The following CEP126 variants were observed in gnomAD, a reference collection of about 807,000 sequenced individuals.
The protein encoded by CEP126 is centrosomal protein 126.
CEP126 carries 74 observed loss-of-function variants against 107.8 expected under a neutral mutation model. The ratio of observed to expected loss-of-function variants is 0.69; its 90% confidence interval spans 0.57 to 0.83. The LOEUF (loss-of-function observed/expected upper bound fraction) is 0.83. Ranked by LOEUF, CEP126 falls within the 40% of genes least tolerant of loss-of-function variation. CEP126 has a pLI of 0.00. For synonymous variants in CEP126, 449 were observed against 446.0 expected (o/e 1.01, Z -0.08); for missense variants, 1,237 against 1,281.9 (o/e 0.96, Z 0.53).
rs1044643511 is a variant in CEP126 at position 101,999,554 on chromosome 11, AGAACTT to A, written c.*1913_*1918del. On this transcript the variant is annotated 3_prime_UTR_variant, in exon 11 of 11. Transcript: ENST00000263468. The stretch of plus-strand genomic sequence containing the variant: ...AACAAGATAAGATTTGCATTTTACT[AGAACTT>A]GCACATTATGATATTGTCCTTTTAT... The A allele has an allele frequency of 2.0e-5, 3 of 151,080 alleles. No individual in the cohort carries two copies. The highest frequency in any genetic ancestry group is 2.0e-4 in the Admixed American group (3 of 15,172). The allele number at this position is 151,080 out of a possible 1,614,324, so 9.4% of individuals were successfully genotyped here.
intron 2 of CEP126, among the ~76,000 whole-genome samples, chr11:101,935,733 C>T (rs886560848): frequency 6.6e-6 from 1 of 152,014 alleles, no homozygotes; most frequent in African/African-American, 2.4e-5. Flanking sequence ...CAGGAATTCT[C>T]AACAGCAGTA....
chr11:101,921,505 G>A (rs1236315937), intron 1 of CEP126, among the ~76,000 whole-genome samples: 1 of 151,828 alleles, frequency 6.6e-6, no homozygotes, highest in Non-Finnish European at 1.5e-5. Context: ...TTAGGAGTTC[G>A]AGACCAGGCT....
chr11:101,943,222 C>G (rs900175807), intron 2 of CEP126, among the ~76,000 whole-genome samples: 8 of 152,000 alleles, frequency 5.3e-5, no homozygotes, highest in African/African-American at 1.7e-4. Context: ...TCTTCTCCCC[C>G]ACCTCTGGTG....
chr11:101,921,239 T>A (rs576617600), intron 1 of CEP126, among the ~76,000 whole-genome samples: 1 of 152,348 alleles, frequency 6.6e-6, no homozygotes, highest in Non-Finnish European at 1.5e-5. Flanking sequence ...CTAACCATTC[T>A]AGTTATATTG....
chr11:101,949,382 G>A, intron 4 of CEP126, among the ~76,000 whole-genome samples: 1 of 152,172 alleles, frequency 6.6e-6, no homozygotes, highest in Non-Finnish European at 1.5e-5. Context: ...ATAATGGATT[G>A]AAACCTGGGG....
chr11:101,919,910 C>T (rs967306772), intron 1 of CEP126, among the ~76,000 whole-genome samples: 5 of 152,130 alleles, frequency 3.3e-5, no homozygotes, highest in South Asian at 2.1e-4. Flanking sequence ...TCTTTACTGC[C>T]GAGTTGTCAC....
At chr11:101,952,772 G>C (rs1376292816) in intron 4 of CEP126, among the ~76,000 whole-genome samples, 1 of 152,154 alleles carries the variant, frequency 6.6e-6, no homozygotes, top group Admixed American at 6.5e-5. Flanking sequence ...TAAGAAATCT[G>C]GGCCATGAAT....
rs143419350 is a variant in CEP126 at position 101,964,779 on chromosome 11, A to C, written c.2845+899A>C. Among the ~76,000 whole-genome samples the C allele has an allele frequency of 5.8e-3, 883 of 152,358 alleles. 11 individuals carry two copies. Among genetic ancestry groups the C allele is most frequent in the African/African-American group, 0.02 (837 of 41,584 alleles). On this transcript the variant is annotated intron_variant, in intron 6 of 10. Coordinates refer to ENST00000263468, the MANE Select transcript of CEP126 (RefSeq NM_020802.4). The stretch of plus-strand genomic sequence containing the variant: ...GACTTTTCCTGTTAGTTTAAGAGGA[A>C]GGACAAGGAATAGGATCTGATTCTT...
In CEP126 at chr11:101,987,009, A is replaced by G; in HGVS notation, c.3212A>G (p.Glu1071Gly). The change falls in exon 9 of 11, where the codon GAG (glutamate) becomes GGG (glycine). Residue 1071 changes from glutamate (E) to glycine (G), a missense_variant. Glu to Gly is a moderately conservative substitution (Grantham distance 98). Coordinates refer to ENST00000263468, the MANE Select transcript of CEP126 (RefSeq NM_020802.4). ...TCAGCTGAAGAACAGAAGATCCTAG[A>G]GTCCCTTAATGATCTCAGTGAAAGA... ...TLSAEEQKILESLNDLSERLH... is the reference protein window; with the variant it reads ...TLSAEEQKILGSLNDLSERLH... The G allele has an allele frequency of 6.2e-7, 1 of 1,613,130 alleles. No homozygotes were observed. The highest frequency in any genetic ancestry group is 8.5e-7 in the Non-Finnish European group (1 of 1,179,308).
chr11:101,963,758 CCCAAAGAAGT>C lies in CEP126; in HGVS notation c.2726_2735del (p.Gln909LeufsTer10). ...CGGCAAGATGCGACATTATATTGCA[CCCAAAGAAGT>C]CCTGTTTGTGAAGAAAGTTATCCGT... On this transcript the variant is annotated frameshift_variant, in exon 6 of 11. Coordinates refer to ENST00000263468, the MANE Select transcript of CEP126 (RefSeq NM_020802.4). LOFTEE classifies it high-confidence loss of function. 1 of 1,614,032 alleles carries C rather than the reference CCCAAAGAAGT, an allele frequency of 6.2e-7. No individual in the cohort carries two copies. Among genetic ancestry groups the C allele is most frequent in the Non-Finnish European group, 8.5e-7 (1 of 1,179,996 alleles).
chr11:101,987,665 TAAA>T (rs5794149), intron 9 of CEP126, among the ~76,000 whole-genome samples: 2 of 142,544 alleles, frequency 1.4e-5, no homozygotes, highest in African/African-American at 2.6e-5. Context: ...AATTTTTTTC[TAAA>T]AAAAAAAAAA....
intron 2 of CEP126, among the ~76,000 whole-genome samples, chr11:101,942,748 G>C (rs1315068521): frequency 1.3e-5 from 2 of 151,722 alleles, no homozygotes; most frequent in Admixed American, 1.3e-4. Context: ...TTTAATTCAT[G>C]AACATGGTAG....
rs1396940632 is a variant in CEP126, at chr11:101,962,489, T to C, written c.1454T>C (p.Ile485Thr). 1 of 1,613,090 alleles carries C rather than the reference T, an allele frequency of 6.2e-7. No homozygotes were observed. Among genetic ancestry groups the C allele is most frequent in the South Asian group, 1.1e-5 (1 of 90,860 alleles). ...AAGAACAGTATACACATAAAAGAAA[T>C]TGATGCAGTGCAGTGTTCTGATAAG... ...SAKNSIHIKE[I>T]DAVQCSDKLD... The change falls in exon 6 of 11, where the codon ATT (isoleucine) becomes ACT (threonine). Residue 485 changes from isoleucine to threonine, a missense_variant. Physicochemically the swap from Ile to Thr is moderately conservative, Grantham distance 89. Transcript: ENST00000263468.
chr11:101,918,860 A>T (rs895309630), intron 1 of CEP126, among the ~76,000 whole-genome samples: 1 of 152,192 alleles, frequency 6.6e-6, no homozygotes, highest in Non-Finnish European at 1.5e-5. Context: ...ACTGCTTGAG[A>T]TGGCCCTGAA....
At position 101,958,331 on chromosome 11, in the gene CEP126, A is replaced by G. The variant is rs1169028612; in HGVS notation, c.670A>G (p.Lys224Glu). The change falls in exon 5 of 11, where the codon AAA becomes GAA. Residue 224 changes from lysine to glutamate, a missense_variant. By Grantham distance (56) the Lys-to-Glu change is moderately conservative. Transcript: ENST00000263468. Reference protein sequence around the residue: ...VFQLKLEETQKLLEDQHLSNL... With the variant: ...VFQLKLEETQELLEDQHLSNL... ...CCAGCTTAAACTGGAGGAAACTCAG[A>G]AACTCCTCGAAGATCAACATCTAAG... 6.2e-7 allele frequency: 1 copy of G among 1,613,978 alleles called. No homozygotes were observed. Among genetic ancestry groups the G allele is most frequent in the Non-Finnish European group, 8.5e-7 (1 of 1,179,910 alleles).
At chr11:101,930,637 C>T (rs1277532122) in intron 2 of CEP126, among the ~76,000 whole-genome samples, 1 of 152,308 alleles carries the variant, frequency 6.6e-6, no homozygotes, top group East Asian at 1.9e-4. Context: ...TTGGCCCTGC[C>T]CATGTCCTGC....
rs1041996353 is a variant in CEP126 at position 101,999,339 on chromosome 11, A to T, written c.*1696A>T. ...AAGACAAGGGTTTATATTCATATAC[A>T]CTAGTATATATGTACACAGCAGCAT... is the stretch of plus-strand genomic sequence containing the variant. On this transcript the variant is annotated 3_prime_UTR_variant, in exon 11 of 11. Coordinates refer to ENST00000263468, the MANE Select transcript of CEP126 (RefSeq NM_020802.4). 6.6e-6 allele frequency: 1 copy of T among 151,994 alleles called. No individual in the cohort carries two copies. The highest frequency in any genetic ancestry group is 2.4e-5 in the African/African-American group (1 of 41,398). The allele number at this position is 151,994 out of a possible 1,614,324, so 9.4% of individuals were successfully genotyped here. A position where few individuals can be genotyped will look rare whatever the true frequency, so the allele number is the denominator to read the frequency against.
intron 6 of CEP126, among the ~76,000 whole-genome samples, chr11:101,965,677 TTTTGAG>T (rs1486885069): frequency 6.6e-6 from 1 of 152,178 alleles, no homozygotes; most frequent in Non-Finnish European, 1.5e-5. Flanking sequence ...TAGTTACCCT[TTTTGAG>T]TTTGTAGCTT....
intron 2 of CEP126, among the ~76,000 whole-genome samples, chr11:101,925,490 G>T (rs1940392805): frequency 6.6e-6 from 1 of 151,194 alleles, no homozygotes; most frequent in South Asian, 2.1e-4. Flanking sequence ...CAATTATCTG[G>T]CCGGGCGTGG....
Sources: allele counts gnomAD v4.1 joint callset (sites outside exome capture counted in the v4.1 genomes callset), GRCh38; gene constraint gnomAD v4.1.1; transcripts MANE v1.5; gene names NCBI Gene and HGNC (gene_info 2026-07-23, HGNC 2026-07-21).